The following EEF1AKMT1 variants were observed in gnomAD, a reference collection of about 807,000 sequenced individuals.
EEF1AKMT1 encodes the protein EEF1A lysine methyltransferase 1.
A neutral mutation model predicts 21.0 loss-of-function variants in EEF1AKMT1; 18 were observed. The observed-to-expected ratio is 0.86, with a 90% CI of 0.59 to 1.27. The LOEUF (loss-of-function observed/expected upper bound fraction) is 1.27, where lower values mean the gene tolerates loss of function less well. Among genes scored for constraint, EEF1AKMT1 ranks in the 50% most tolerant of loss-of-function variants. EEF1AKMT1 has a pLI of 0.00. For missense variants in EEF1AKMT1, 246 were observed against 258.6 expected (o/e 0.95, Z 0.33); for synonymous variants, 109 against 94.8 (o/e 1.15, Z -0.87).
At chr13:20,729,327 A>G in intron 4 of EEF1AKMT1, 111 bp from the exon 5 acceptor site, 2 of 1,243,904 alleles carry the variant, frequency 1.6e-6, no homozygotes, top group South Asian at 2.7e-5. Flanking sequence ...ATTAGTTGAC[A>G]ATTCACAAGT....
chr13:20,743,669 T>G (rs2141420896), intron 2 of EEF1AKMT1, among the ~76,000 whole-genome samples: 1 of 151,994 alleles, frequency 6.6e-6, no homozygotes, highest in South Asian at 2.1e-4. Flanking sequence ...CTTTTTTTTT[T>G]TTTTTCTCGT....
intron 3 of EEF1AKMT1, among the ~76,000 whole-genome samples, chr13:20,732,568 G>T (rs868554005): frequency 2.6e-5 from 4 of 152,066 alleles, no homozygotes; most frequent in Non-Finnish European, 4.4e-5. Flanking sequence ...CCTGACCTCA[G>T]GTGATCAGCC....
chr13:20,772,848 G>C (rs1007296154), intron 1 of EEF1AKMT1, among the ~76,000 whole-genome samples: 2 of 152,066 alleles, frequency 1.3e-5, no homozygotes, highest in Non-Finnish European at 2.9e-5. Flanking sequence ...AATTTACTTA[G>C]GGCAAAACCA....
intron 2 of EEF1AKMT1, among the ~76,000 whole-genome samples, chr13:20,750,805 C>T (rs113508826): frequency 2.0e-3 from 299 of 152,298 alleles, no homozygotes; most frequent in Middle Eastern, 6.8e-3. Flanking sequence ...TTCCCACCAA[C>T]GGTGTATAAG....
chr13:20,745,277 T>C (rs2058896758), intron 2 of EEF1AKMT1, among the ~76,000 whole-genome samples: 1 of 152,230 alleles, frequency 6.6e-6, no homozygotes, highest in Non-Finnish European at 1.5e-5. Flanking sequence ...TTGGGCAGTA[T>C]GGCCATTTTC....
At chr13:20,738,476 C>T (rs1441005081) in intron 2 of EEF1AKMT1, among the ~76,000 whole-genome samples, 1 of 152,194 alleles carries the variant, frequency 6.6e-6, no homozygotes, top group South Asian at 2.1e-4. Flanking sequence ...ACCTATTTCT[C>T]CAACAGGCCT....
At chr13:20,748,229 G>A (rs759044656) in intron 2 of EEF1AKMT1, among the ~76,000 whole-genome samples, 56 of 152,140 alleles carry the variant, frequency 3.7e-4, no homozygotes, top group Non-Finnish European at 7.1e-4. Flanking sequence ...GAGGTCAGGA[G>A]ATTGAGACCA....
chr13:20,759,603 C>T (rs929724642), intron 1 of EEF1AKMT1, among the ~76,000 whole-genome samples: 3 of 132,340 alleles, frequency 2.3e-5, no homozygotes, highest in African/African-American at 8.3e-5. Flanking sequence ...AAACAAAAAA[C>T]GAAACAAAAA....
At chr13:20,760,387 G>A (rs1006109896) in intron 1 of EEF1AKMT1, among the ~76,000 whole-genome samples, 5 of 152,136 alleles carry the variant, frequency 3.3e-5, no homozygotes, top group Admixed American at 3.3e-4. Context: ...GTCCTTTGCA[G>A]CAACATGGAT....
intron 2 of EEF1AKMT1, among the ~76,000 whole-genome samples, chr13:20,746,794 G>A (rs2058907747): frequency 6.6e-6 from 1 of 152,184 alleles, no homozygotes; most frequent in Non-Finnish European, 1.5e-5. Flanking sequence ...GAATAAGAAT[G>A]ACAGTAACAA....
At chr13:20,773,477 A>G (rs2059073396) in intron 1 of EEF1AKMT1, among the ~76,000 whole-genome samples, 3 of 152,234 alleles carry the variant, frequency 2.0e-5, no homozygotes, top group African/African-American at 7.2e-5. Flanking sequence ...GCCCTCCAGG[A>G]GCGGACAGTC....
intron 1 of EEF1AKMT1, among the ~76,000 whole-genome samples, chr13:20,760,205 A>C (rs1313773411): frequency 2.0e-5 from 3 of 152,114 alleles, no homozygotes; most frequent in Non-Finnish European, 4.4e-5. Context: ...AAGTTAGCTA[A>C]TCCTATGTAA....
intron 2 of EEF1AKMT1, among the ~76,000 whole-genome samples, chr13:20,754,659 A>G (rs560228139): frequency 1.5e-4 from 22 of 151,404 alleles, no homozygotes; most frequent in African/African-American, 4.8e-4. Flanking sequence ...CTGTAATCCC[A>G]GTACTTTGGG....
At chr13:20,733,396 T>C (rs1402011681) in intron 3 of EEF1AKMT1, among the ~76,000 whole-genome samples, 1 of 152,098 alleles carries the variant, frequency 6.6e-6, no homozygotes, top group African/African-American at 2.4e-5. Flanking sequence ...GCCTGGCCAC[T>C]AATTATTTTT....
intron 1 of EEF1AKMT1, among the ~76,000 whole-genome samples, chr13:20,761,253 A>T (rs146947800): frequency 6.6e-6 from 1 of 152,244 alleles, no homozygotes; most frequent in Non-Finnish European, 1.5e-5. Context: ...CTCCCACCTC[A>T]ATCTCCATTC....
chr13:20,748,318 C>A lies in EEF1AKMT1; in HGVS notation c.144+9137G>T, dbSNP rs569746470. ...GGGCATGGTGGCGGGCGCCTGTAGT[C>A]CCAGCTACTCAGGAGGTGAGGCAGG... On this transcript the variant is annotated intron_variant, in intron 2 of 4. Coordinates refer to ENST00000382758, the MANE Select transcript of EEF1AKMT1 (RefSeq NM_001318939.2). Among the ~76,000 whole-genome samples, 436 of 152,148 alleles carry A rather than the reference C, an allele frequency of 2.9e-3. 5 individuals are homozygous for A. The highest frequency in any genetic ancestry group is 9.8e-3 in the African/African-American group (406 of 41,490).
intron 2 of EEF1AKMT1, among the ~76,000 whole-genome samples, chr13:20,750,437 T>C (rs931645947): frequency 2.0e-5 from 3 of 152,196 alleles, no homozygotes; most frequent in African/African-American, 4.8e-5. Flanking sequence ...TATAAGAACA[T>C]GCAATATTTG....
intron 2 of EEF1AKMT1, among the ~76,000 whole-genome samples, chr13:20,753,684 G>A (rs1198213085): frequency 6.6e-6 from 1 of 151,952 alleles, no homozygotes; most frequent in Non-Finnish European, 1.5e-5. Context: ...TTGTTTCTTT[G>A]TACTGTTTTT....
At chr13:20,755,219 A>G (rs2058965586) in intron 2 of EEF1AKMT1, among the ~76,000 whole-genome samples, 1 of 152,156 alleles carries the variant, frequency 6.6e-6, no homozygotes. Context: ...GTGGCAGCAG[A>G]CCACAGCAAC....
Sources: gnomAD v4.1 joint callset for allele counts (sites outside exome capture counted in the v4.1 genomes callset) on GRCh38, gnomAD v4.1.1 for gene constraint, MANE v1.5 for transcripts, NCBI Gene and HGNC (gene_info 2026-07-23, HGNC 2026-07-21) for gene names.